Variants in DDX4 observed in about 807,000 individuals in gnomAD.
DDX4 encodes DEAD-box helicase 4.
Under a neutral mutation model 100.0 loss-of-function variants are expected in DDX4, and 25 were observed. The observed-to-expected ratio is 0.25, with a 90% CI of 0.18 to 0.35. The LOEUF is 0.35. Ranked by LOEUF, DDX4 falls within the 10% of genes least tolerant of loss-of-function variation. The pLI is 1.00. For synonymous variants in DDX4, 259 were observed against 275.7 expected (o/e 0.94, Z 0.60); for missense variants, 635 against 882.4 (o/e 0.72, Z 3.55).
chr5:55,765,971 ATTT>A (rs34999279), intron 6 of DDX4, among the ~76,000 whole-genome samples: 1 of 131,402 alleles, frequency 7.6e-6, no homozygotes, highest in Non-Finnish European at 1.6e-5. Flanking sequence ...CGCCCGACTA[ATTT>A]TTTTTTTTTT....
intron 10 of DDX4, among the ~76,000 whole-genome samples, chr5:55,784,422 A>G (rs1742119548): frequency 6.6e-6 from 1 of 152,178 alleles, no homozygotes; most frequent in East Asian, 1.9e-4. Context: ...ACTGATACAA[A>G]TGCCAGTCTA....
At position 55,781,241 on chromosome 5, in the gene DDX4, T is replaced by G; in HGVS notation, c.577+95T>G. ...TAATATATATGTTAAAGTATACTAG[T>G]TTGGCTTATGATTTTCTCTGCTTTT... On this transcript the variant is annotated intron_variant, in intron 9 of 21. Coordinates refer to ENST00000505374, the MANE Select transcript of DDX4 (RefSeq NM_024415.3). 7 of 956,684 alleles carry G rather than the reference T, an allele frequency of 7.3e-6. No homozygotes were observed. In the South Asian group the frequency reaches 1.2e-4, roughly 16 times the overall value. The allele number at this position is 956,684 out of a possible 1,614,324, so 59.3% of individuals were successfully genotyped here. A position where few individuals can be genotyped will look rare whatever the true frequency, so the allele number is the denominator to read the frequency against.
intron 17 of DDX4, among the ~76,000 whole-genome samples, chr5:55,797,409 A>G (rs1661833106): frequency 6.6e-6 from 1 of 152,210 alleles, no homozygotes; most frequent in African/African-American, 2.4e-5. Context: ...GTTTTAGTGA[A>G]TGAAAAGGGT....
intron 3 of DDX4, among the ~76,000 whole-genome samples, chr5:55,748,420 A>G (rs553547002): frequency 6.6e-6 from 1 of 152,344 alleles, no homozygotes; most frequent in Non-Finnish European, 1.5e-5. Flanking sequence ...GTTTAGGTCT[A>G]TAGTATATTA....
chr5:55,807,773 A>T (rs900453398), intron 18 of DDX4, among the ~76,000 whole-genome samples: 1 of 151,926 alleles, frequency 6.6e-6, no homozygotes, highest in South Asian at 2.1e-4. Flanking sequence ...CTTCATTTCA[A>T]CTTTGGTGAA....
intron 3 of DDX4, among the ~76,000 whole-genome samples, chr5:55,751,450 G>A (rs1376969233): frequency 6.6e-6 from 1 of 152,164 alleles, no homozygotes; most frequent in Non-Finnish European, 1.5e-5. Context: ...GCCCAGGCTG[G>A]TCTTGAACTC....
At position 55,785,417 on chromosome 5, in the gene DDX4, G is replaced by C. The variant is rs1188142809; in HGVS notation, c.674-30G>C. ...TTTACCTTTCAATTTTAAAAAACATGTATCTCTTTTTTATTTGATCCTCTT... is the reference window on the plus strand; with the variant it reads ...TTTACCTTTCAATTTTAAAAAACATCTATCTCTTTTTTATTTGATCCTCTT... On this transcript the variant is annotated intron_variant, in intron 11 of 21. Coordinates refer to ENST00000505374, the MANE Select transcript of DDX4 (RefSeq NM_024415.3). The C allele has an allele frequency of 5.6e-6, 9 of 1,594,580 alleles. No individual in the cohort carries two copies. In the South Asian group the frequency reaches 6.8e-5, roughly 12 times the overall value.
intron 18 of DDX4, among the ~76,000 whole-genome samples, chr5:55,807,146 C>T (rs1743784358): frequency 6.6e-6 from 1 of 152,042 alleles, no homozygotes; most frequent in Non-Finnish European, 1.5e-5. Context: ...GATTGCAACC[C>T]CTGCCTTTTT....
At chr5:55,752,693 A>G (rs913661153) in intron 3 of DDX4, among the ~76,000 whole-genome samples, 9,639 of 145,802 alleles carry the variant, frequency 0.066, 510 homozygotes, top group African/African-American at 0.15. Context: ...CTTTGGGTAT[A>G]TACCCAGTAA....
At chr5:55,766,109 G>A (rs541937237) in intron 6 of DDX4, among the ~76,000 whole-genome samples, 7 of 151,638 alleles carry the variant, frequency 4.6e-5, no homozygotes, top group Admixed American at 6.6e-5. Context: ...GAGCCACTGC[G>A]CCAGGCCATA....
intron 3 of DDX4, 109 bp downstream of exon 3, chr5:55,746,330 T>G: frequency 1.1e-6 from 1 of 923,176 alleles, no homozygotes; most frequent in Non-Finnish European, 1.6e-6. Flanking sequence ...TTAAAAAATT[T>G]CTTAGTGAAA....
intron 3 of DDX4, among the ~76,000 whole-genome samples, chr5:55,751,721 C>T (rs1036597752): frequency 6.6e-6 from 1 of 152,200 alleles, no homozygotes; most frequent in African/African-American, 2.4e-5. Context: ...GATTTAGACA[C>T]TGAATATCTT....
rs560827980 is a variant in DDX4 at position 55,739,117 on chromosome 5, AGT to A, written c.69+86_69+87del. The A allele has an allele frequency of 1.2e-3, 932 of 798,470 alleles. 10 individuals carry two copies. The highest frequency in any genetic ancestry group is 1.1e-3 in the Non-Finnish European group (530 of 465,832). The allele number at this position is 798,470 out of a possible 1,614,324, so 49.5% of individuals were successfully genotyped here. On this transcript the variant is annotated intron_variant, in intron 2 of 21. Coordinates refer to ENST00000505374, the MANE Select transcript of DDX4 (RefSeq NM_024415.3). ...CTGTGGTGAGAGTTCTAAATTATACAGTCTGTGTCAGTGTTTATCTCCATGTG... is the reference window on the plus strand; with the variant it reads ...CTGTGGTGAGAGTTCTAAATTATACACTGTGTCAGTGTTTATCTCCATGTG...
At chr5:55,750,469 G>C (rs184081592) in intron 3 of DDX4, 283 of 134,068 alleles carry the variant, frequency 2.1e-3, no homozygotes, top group African/African-American at 7.0e-3. Flanking sequence ...TCATCTTTAT[G>C]GGGGGGTGCA....
intron 15 of DDX4, among the ~76,000 whole-genome samples, chr5:55,788,986 G>A (rs146450179): frequency 4.3e-4 from 65 of 152,036 alleles, no homozygotes; most frequent in African/African-American, 1.5e-3. Flanking sequence ...ACCTGAGCCT[G>A]GGAGGTCGAG....
chr5:55,765,408 AAAAAAATATATAT>A (rs1203857964), intron 6 of DDX4, among the ~76,000 whole-genome samples: 1 of 121,452 alleles, frequency 8.2e-6, no homozygotes, highest in East Asian at 2.5e-4. Context: ...AAAAAAAAAA[AAAAAAATATATAT>A]ATATATATAT....
chr5:55,795,896 G>A (rs1742903095), intron 17 of DDX4, among the ~76,000 whole-genome samples: 1 of 152,170 alleles, frequency 6.6e-6, no homozygotes, highest in African/African-American at 2.4e-5. Context: ...GAAGTCCCAT[G>A]ATAGGCTGTC....
At chr5:55,748,274 G>C (rs559668968) in intron 3 of DDX4, among the ~76,000 whole-genome samples, 76 of 152,278 alleles carry the variant, frequency 5.0e-4, no homozygotes, top group Non-Finnish European at 9.1e-4. Flanking sequence ...TGTGTACTTA[G>C]AGTATTCCAG....
chr5:55,784,457 C>T (rs1214971252), intron 10 of DDX4, among the ~76,000 whole-genome samples: 2 of 152,184 alleles, frequency 1.3e-5, no homozygotes, highest in African/African-American at 2.4e-5. Context: ...CACAGACATA[C>T]CCAGAAATAA....
Sources: allele counts gnomAD v4.1 joint callset (sites outside exome capture counted in the v4.1 genomes callset), GRCh38; gene constraint gnomAD v4.1.1; transcripts MANE v1.5; gene names NCBI Gene and HGNC (gene_info 2026-07-23, HGNC 2026-07-21).